Variants in RAPGEFL1 observed in about 807,000 individuals in gnomAD.
RAPGEFL1 encodes the protein rap guanine nucleotide exchange factor-like 1.
A neutral mutation model predicts 64.4 loss-of-function variants in RAPGEFL1; 31 were observed. The observed-to-expected ratio is 0.48, with a 90% CI of 0.36 to 0.65. RAPGEFL1 has a LOEUF of 0.65. Ranked by LOEUF, RAPGEFL1 falls within the 30% of genes least tolerant of loss-of-function variation. The pLI, the probability that RAPGEFL1 is intolerant of heterozygous loss-of-function variation, is 0.00. For missense variants in RAPGEFL1, 682 were observed against 677.4 expected, an observed-to-expected ratio of 1.01 and a Z score of -0.08; for synonymous variants, 331 against 274.1, an observed-to-expected ratio of 1.21 and a Z score of -2.05.
At position 40,179,903 on chromosome 17, in the gene RAPGEFL1, A is replaced by G. The variant is rs372397929; in HGVS notation, c.520+1522A>G. Among the ~76,000 whole-genome samples the G allele has an allele frequency of 9.9e-5, 15 of 152,180 alleles. No individual in the cohort carries two copies. The South Asian group carries it at 3.1e-3, about 32-fold the overall frequency. ...GCCCTGGGGAGCTGACACCTTTTGG[A>G]TTTAATTAGAAAAATATCAGACACA... On this transcript the variant is annotated intron_variant, in intron 1 of 14. Coordinates refer to ENST00000620260, the MANE Select transcript of RAPGEFL1 (RefSeq NM_016339.6).
chr17:40,182,266 T>G (rs1208645903), intron 2 of RAPGEFL1, among the ~76,000 whole-genome samples: 1 of 152,128 alleles, frequency 6.6e-6, no homozygotes, highest in East Asian at 1.9e-4. Flanking sequence ...ATAGCAGATG[T>G]GGGAGTGCTT....
intron 1 of RAPGEFL1, among the ~76,000 whole-genome samples, chr17:40,179,043 C>T (rs998840678): frequency 1.2e-4 from 18 of 149,830 alleles, no homozygotes; most frequent in South Asian, 2.1e-4. Context: ...TTCCACCCTT[C>T]GGTGGCAGGC....
chr17:40,182,804 C>T (rs140864557), intron 2 of RAPGEFL1, among the ~76,000 whole-genome samples: 1 of 152,278 alleles, frequency 6.6e-6, no homozygotes, highest in African/African-American at 2.4e-5. Context: ...GGGCCTCTCA[C>T]AGAGTTATTT....
At position 40,184,607 on chromosome 17, in the gene RAPGEFL1, C is replaced by T. The variant is rs538498058; in HGVS notation, c.762C>T (p.Asp254=). ...ATCTATACCTGCTAATTATGAAGGA[C>T]GAGTCCCTTTACCAGGGCCTCCGAG... The part of the protein sequence containing the change: ...IKDLYLLIMK[D]ESLYQGLRED... Residue 254 remains aspartate, a synonymous_variant, in exon 4 of 15, where the codon GAC becomes GAT. Transcript: ENST00000620260. 39 of 1,574,474 alleles carry T rather than the reference C, an allele frequency of 2.5e-5. No homozygotes were observed. The highest frequency in any genetic ancestry group is 4.5e-5 in the South Asian group (4 of 88,146).
Position 40,177,514 on chromosome 17 carries a change from G to GCCGCCA in RAPGEFL1, c.-343_-342insACCGCC, listed in dbSNP as rs1486850230. On this transcript the variant is annotated 5_prime_UTR_variant, in exon 1 of 15. Transcript: ENST00000620260. Reference sequence around the variant, plus strand: ...CAGGAGCGCAGCCGCCGCCGCCGCCGCCGCCGCGTCCTCTCAGCCTTGCGC... The same window carrying GCCGCCA: ...CAGGAGCGCAGCCGCCGCCGCCGCCGCCGCCACCGCCGCGTCCTCTCAGCCTTGCGC... 9 of 595,604 alleles carry GCCGCCA rather than the reference G, an allele frequency of 1.5e-5. No homozygotes were observed. In the East Asian group the frequency reaches 2.6e-4, roughly 17 times the overall value. 36.9% of individuals were successfully genotyped at this position (595,604 alleles called of 1,614,324 possible).
chr17:40,178,294 C>A lies in RAPGEFL1; in HGVS notation c.433C>A (p.Leu145Met). 1.6e-6 allele frequency: 1 copy of A among 640,982 alleles called. No homozygotes were observed. Among genetic ancestry groups the A allele is most frequent in the South Asian group, 1.6e-5 (1 of 61,240 alleles). The allele number at this position is 640,982 out of a possible 1,614,324, so 39.7% of individuals were successfully genotyped here. ...CTTGACTTCGCCGCCCTGGGCCCCT[C>A]TGGGCGCCCCCGAGCGGCCCGAGCA... The part of the protein sequence containing the change: ...EPLTSPPWAP[L>M]GAPERPEHLL... The change falls in exon 1 of 15, where the codon CTG becomes ATG. Residue 145 changes from leucine to methionine, a missense_variant. By Grantham distance (15) the Leu-to-Met change is conservative. This residue lies in a region of RAPGEFL1 where 271 missense variants were observed against 158.0 expected (regional missense o/e 1.72). Transcript: ENST00000620260.
At chr17:40,186,839 A>G (rs188746147) in intron 4 of RAPGEFL1, among the ~76,000 whole-genome samples, 165 of 150,384 alleles carry the variant, frequency 1.1e-3, no homozygotes, top group African/African-American at 4.0e-3. Flanking sequence ...GGTTACAGTG[A>G]GCCGAGATTG....
In RAPGEFL1 at chr17:40,178,371, C is replaced by A. The variant is rs1417102097; in HGVS notation, c.510C>A (p.Ser170Arg). The change falls in exon 1 of 15, where the codon AGC (serine) becomes AGA (arginine). Residue 170 changes from serine (S) to arginine (R), a missense_variant. Ser to Arg is a moderately radical substitution (Grantham distance 110, BLOSUM62 -1). Around this residue, in one of 2 missense-constraint regions of RAPGEFL1, gnomAD observed 271 missense variants for 158.0 expected, o/e 1.72. Transcript: ENST00000620260. ...TTGCTGGAGGGGCTACCAGGGACAG[C>A]GCCGCCTCAGGTAAGGAGCCGGTGG... ...ERLAGGATRDSAASDILLDDI... is the reference protein window; with the variant it reads ...ERLAGGATRDRAASDILLDDI... 3.8e-6 allele frequency: 2 copies of A among 522,550 alleles called. No homozygotes were observed. Among genetic ancestry groups the A allele is most frequent in the African/African-American group, 2.0e-5 (1 of 49,838 alleles). 32.4% of individuals were successfully genotyped at this position (522,550 alleles called of 1,614,324 possible). A position where few individuals can be genotyped will look rare whatever the true frequency, so the allele number is the denominator to read the frequency against.
rs927305124 is a variant in RAPGEFL1, at chr17:40,177,856, G to T, written c.-6G>T. ...GGCGACCCCTAGGAGAGGGGCGGGG[G>T]GGGGCATGAAGCCGCTGGAGAAATT... On this transcript the variant is annotated 5_prime_UTR_variant, in exon 1 of 15. Transcript: ENST00000620260. 40 of 428,090 alleles carry T rather than the reference G, an allele frequency of 9.3e-5. No homozygotes were observed. Among genetic ancestry groups the T allele is most frequent in the African/African-American group, 2.0e-4 (10 of 48,846 alleles). The allele number at this position is 428,090 out of a possible 1,614,324, so 26.5% of individuals were successfully genotyped here.
rs372589114 is a variant in RAPGEFL1, at chr17:40,193,292, C to T, written c.1810-71C>T. 4.0e-5 allele frequency: 60 copies of T among 1,498,358 alleles called. No individual in the cohort carries two copies. The African/African-American group carries it at 6.5e-4, about 16-fold the overall frequency. 92.8% of individuals were successfully genotyped at this position (1,498,358 alleles called of 1,614,324 possible). On this transcript the variant is annotated intron_variant, in intron 13 of 14. Transcript: ENST00000620260. ...GGAGTAAAGCAGAGTGGGAGAATGG[C>T]GGAGGGGGAGCATAAGAGGGGGAGC... is the stretch of plus-strand genomic sequence containing the variant.
intron 13 of RAPGEFL1, 23 bp from the exon 14 acceptor site, chr17:40,193,340 G>C (rs747763132): frequency 3.1e-6 from 5 of 1,613,798 alleles, no homozygotes; most frequent in Non-Finnish European, 4.2e-6. Context: ...CCCTTTCAAG[G>C]CTCATTCCTT....
Position 40,188,725 on chromosome 17 carries a change from T to C in RAPGEFL1, c.834-141T>C, listed in dbSNP as rs1238702943. 4 of 676,648 alleles carry C rather than the reference T, an allele frequency of 5.9e-6. No homozygotes were observed. The Admixed American group carries it at 6.3e-5, about 11-fold the overall frequency. The allele number at this position is 676,648 out of a possible 1,614,324, so 41.9% of individuals were successfully genotyped here. On this transcript the variant is annotated intron_variant, in intron 4 of 14. Transcript: ENST00000620260. The stretch of plus-strand genomic sequence containing the variant: ...ATCCCATACTGCTCATTGTCCTCTC[T>C]TCTGACCCCCTTAACCACCTGAAAT...
chr17:40,182,920 G>A (rs1376714279), intron 2 of RAPGEFL1, among the ~76,000 whole-genome samples: 1 of 152,122 alleles, frequency 6.6e-6, no homozygotes, highest in African/African-American at 2.4e-5. Context: ...GGCTGGGGCG[G>A]GTGGATCACT....
chr17:40,182,039 C>T (rs1316428665), intron 2 of RAPGEFL1, among the ~76,000 whole-genome samples: 2 of 151,648 alleles, frequency 1.3e-5, no homozygotes, highest in African/African-American at 2.4e-5. Context: ...GCCGAGATCG[C>T]GTCACTACAC....
At chr17:40,192,373 A>AC (rs1331668142) in intron 11 of RAPGEFL1, 110 bp downstream of exon 11, 7 of 1,230,128 alleles carry the variant, frequency 5.7e-6, no homozygotes, top group East Asian at 2.4e-5. Context: ...AGTGTATGGG[A>AC]CCCCCCACCC....
chr17:40,193,936 CA>C lies in RAPGEFL1; in HGVS notation c.*149del, dbSNP rs1990371336. The stretch of plus-strand genomic sequence containing the variant: ...AGGTCGATGGATTTACCCCTGGACC[CA>C]TAAGTCTGTTCATCCTGCTGAAGTC... On this transcript the variant is annotated 3_prime_UTR_variant, in exon 15 of 15. Coordinates refer to ENST00000620260, the MANE Select transcript of RAPGEFL1 (RefSeq NM_016339.6). 5.5e-6 allele frequency: 6 copies of C among 1,095,144 alleles called. No individual in the cohort carries two copies. Among genetic ancestry groups the C allele is most frequent in the Non-Finnish European group, 7.7e-6 (6 of 780,564 alleles). 67.8% of individuals were successfully genotyped at this position (1,095,144 alleles called of 1,614,324 possible).
intron 4 of RAPGEFL1, among the ~76,000 whole-genome samples, chr17:40,186,476 G>T (rs1990076521): frequency 6.7e-6 from 1 of 149,208 alleles, no homozygotes; most frequent in Admixed American, 6.8e-5. Flanking sequence ...GCTGAGGCAG[G>T]AGAATGGCGT....
At chr17:40,187,511 C>T (rs771532688) in intron 4 of RAPGEFL1, among the ~76,000 whole-genome samples, 1 of 152,126 alleles carries the variant, frequency 6.6e-6, no homozygotes, top group Non-Finnish European at 1.5e-5. Context: ...CTTCCCATCT[C>T]ATCTCCTACA....
chr17:40,180,213 G>T (rs145355133), intron 1 of RAPGEFL1, among the ~76,000 whole-genome samples: 1 of 152,144 alleles, frequency 6.6e-6, no homozygotes, highest in Non-Finnish European at 1.5e-5. Context: ...CTGACTCATT[G>T]TAAGAACACA....
Sources: allele counts gnomAD v4.1 joint callset (sites outside exome capture counted in the v4.1 genomes callset), GRCh38; gene constraint gnomAD v4.1.1; regional missense constraint gnomAD v4.1.1; transcripts MANE v1.5; gene names NCBI Gene and HGNC (gene_info 2026-07-23, HGNC 2026-07-21).